The following NDUFA5 variants were observed in gnomAD, a reference collection of about 807,000 sequenced individuals.
The protein encoded by NDUFA5 is NADH dehydrogenase [ubiquinone] 1 alpha subcomplex subunit 5.
A neutral mutation model predicts 19.8 loss-of-function variants in NDUFA5; 11 were observed. The observed-to-expected ratio is 0.56, with a 90% confidence interval of 0.35 to 0.92. The LOEUF is 0.92. Among genes scored for constraint, NDUFA5 ranks in the 40% least tolerant of loss-of-function variants. The probability of loss-of-function intolerance (pLI) is 0.01; values close to 1 mark genes in which losing one functional copy is unlikely to be tolerated. For synonymous variants in NDUFA5, 47 were observed against 46.8 expected, an observed-to-expected ratio of 1.00 and a Z score of -0.01; for missense variants, 109 against 134.2, an observed-to-expected ratio of 0.81 and a Z score of 0.93.
the NDUFA5 span, among the ~76,000 whole-genome samples, chr7:123,596,816 A>G: frequency 6.6e-6 from 1 of 152,256 alleles, no homozygotes; most frequent in African/African-American, 2.4e-5. Flanking sequence ...ACAAATGCAC[A>G]TGAAAAGATC....
chr7:123,564,250 T>A, the NDUFA5 span, among the ~76,000 whole-genome samples: 1 of 152,246 alleles, frequency 6.6e-6, no homozygotes, highest in African/African-American at 2.4e-5. Flanking sequence ...CCTCACCCAG[T>A]ATGTGTAATA....
the NDUFA5 span, among the ~76,000 whole-genome samples, chr7:123,591,967 C>T: frequency 2.6e-5 from 4 of 152,130 alleles, no homozygotes; most frequent in African/African-American, 9.7e-5. Context: ...ATTAATGCCT[C>T]AATTTCAGGA....
upstream of NDUFA5, among the ~76,000 whole-genome samples, chr7:123,559,716 C>G (rs773290472): frequency 6.6e-6 from 1 of 151,746 alleles, no homozygotes; most frequent in African/African-American, 2.4e-5. Flanking sequence ...ATTAGCCAGG[C>G]CTTGTGGTGT....
the NDUFA5 span, among the ~76,000 whole-genome samples, chr7:123,578,049 C>T: frequency 6.6e-6 from 1 of 151,414 alleles, no homozygotes; most frequent in Non-Finnish European, 1.5e-5. Context: ...CCTAGCCCCC[C>T]ACCCCATGAC....
At chr7:123,551,418 A>G (rs1310793889) in intron 2 of NDUFA5, 1 of 252,772 alleles carries the variant, frequency 4.0e-6, no homozygotes, top group Non-Finnish European at 6.2e-6. Context: ...CATGTTGGCC[A>G]GGATGGTCTC....
At chr7:123,566,780 C>A in the NDUFA5 span, among the ~76,000 whole-genome samples, 1 of 152,092 alleles carries the variant, frequency 6.6e-6, no homozygotes, top group African/African-American at 2.4e-5. Flanking sequence ...TATTTGGATA[C>A]CCTAAGTCAC....
At chr7:123,560,312 A>G (rs1451837287), upstream of NDUFA5, among the ~76,000 whole-genome samples, 1 of 152,234 alleles carries the variant, frequency 6.6e-6, no homozygotes, top group Non-Finnish European at 1.5e-5. Context: ...CCAACAATAT[A>G]TTGGAAATAT....
rs1488210106 is a variant in NDUFA5, at chr7:123,541,834, T to G, written c.*285A>C. The G allele has an allele frequency of 5.1e-6, 1 of 197,670 alleles. No homozygotes were observed. Among genetic ancestry groups the G allele is most frequent in the Non-Finnish European group, 1.0e-5 (1 of 98,476 alleles). 12.2% of individuals were successfully genotyped at this position (197,670 alleles called of 1,614,324 possible). ...AAGTTTACTTTTTGATTATGGTCTCTGCATTGAAAATCTGTAGGAATTTTT... is the reference window on the plus strand; with the variant it reads ...AAGTTTACTTTTTGATTATGGTCTCGGCATTGAAAATCTGTAGGAATTTTT... On this transcript the variant is annotated 3_prime_UTR_variant, in exon 5 of 5. Coordinates refer to ENST00000355749, the MANE Select transcript of NDUFA5 (RefSeq NM_005000.5).
chr7:123,587,483 T>A, the NDUFA5 span, among the ~76,000 whole-genome samples: 2 of 151,570 alleles, frequency 1.3e-5, no homozygotes, highest in Non-Finnish European at 3.0e-5. Context: ...TGGTATTATG[T>A]CATCTGCAGA....
chr7:123,565,091 C>A, the NDUFA5 span, among the ~76,000 whole-genome samples: 1 of 152,028 alleles, frequency 6.6e-6, no homozygotes, highest in Non-Finnish European at 1.5e-5. Flanking sequence ...CAGTCCAAGC[C>A]CAAAAGCCTG....
chr7:123,563,775 G>GACCT, the NDUFA5 span, among the ~76,000 whole-genome samples: 1 of 152,126 alleles, frequency 6.6e-6, no homozygotes, highest in African/African-American at 2.4e-5. Flanking sequence ...AGAGCCAGTA[G>GACCT]ACCTACAGGA....
rs1797819278 is a variant in NDUFA5, at chr7:123,538,481, C to T, written c.*3638G>A. The T allele has an allele frequency of 6.6e-6, 1 of 152,234 alleles. No homozygotes were observed. Among genetic ancestry groups the T allele is most frequent in the African/African-American group, 2.4e-5 (1 of 41,462 alleles). 9.4% of individuals were successfully genotyped at this position (152,234 alleles called of 1,614,324 possible). A position where few individuals can be genotyped will look rare whatever the true frequency, so the allele number is the denominator to read the frequency against. On this transcript the variant is annotated 3_prime_UTR_variant, in exon 5 of 5. Transcript: ENST00000355749. ...CCTCTAAACACAACTGGTAGCCTCT[C>T]ATTTACTTTTCTCTAAAACAATTGG...
chr7:123,545,776 C>A, intron 3 of NDUFA5, 100 bp from the exon 4 acceptor site: 1 of 748,034 alleles, frequency 1.3e-6, no homozygotes. Flanking sequence ...CTTAAAAATA[C>A]AACTTTTCTT....
In NDUFA5 at chr7:123,539,241, G is replaced by A. The variant is rs917749786; in HGVS notation, c.*2878C>T. ...TATCTTGTTTGCCCAGGACAGTCAT[G>A]GTGTACATCTGTTATCCTTATGTAA... On this transcript the variant is annotated 3_prime_UTR_variant, in exon 5 of 5. Transcript: ENST00000355749. The A allele has an allele frequency of 3.3e-5, 5 of 152,102 alleles. No individual in the cohort carries two copies. The highest frequency in any genetic ancestry group is 4.8e-5 in the African/African-American group (2 of 41,392). The allele number at this position is 152,102 out of a possible 1,614,324, so 9.4% of individuals were successfully genotyped here.
chr7:123,560,834 AGAGCTGTAATATAT>A (rs1275034092), upstream of NDUFA5, among the ~76,000 whole-genome samples: 44 of 152,332 alleles, frequency 2.9e-4, no homozygotes, highest in African/African-American at 9.6e-4. Context: ...ATTGAGGTTT[AGAGCTGTAATATAT>A]GAAATCTGGG....
At chr7:123,586,108 T>C in the NDUFA5 span, among the ~76,000 whole-genome samples, 2 of 151,874 alleles carry the variant, frequency 1.3e-5, no homozygotes, top group African/African-American at 2.4e-5. Context: ...GTGAGGTTGC[T>C]AGATCATATA....
upstream of NDUFA5, chr7:123,558,374 G>A (rs1244902867): frequency 1.3e-5 from 2 of 154,042 alleles, no homozygotes; most frequent in Non-Finnish European, 2.9e-5. Flanking sequence ...CAGATGAAAT[G>A]ATATCAGACC....
At chr7:123,579,121 A>T in the NDUFA5 span, among the ~76,000 whole-genome samples, 12 of 152,076 alleles carry the variant, frequency 7.9e-5, no homozygotes, top group Admixed American at 2.0e-4. Context: ...GTCCACGTAT[A>T]TCATTGTTTA....
At chr7:123,574,391 C>T in the NDUFA5 span, among the ~76,000 whole-genome samples, 1 of 152,120 alleles carries the variant, frequency 6.6e-6, no homozygotes, top group East Asian at 1.9e-4. Flanking sequence ...ACACAGATTG[C>T]TGGCTCCAGC....
Sources: gnomAD v4.1 joint callset for allele counts (sites outside exome capture counted in the v4.1 genomes callset) on GRCh38, gnomAD v4.1.1 for gene constraint, MANE v1.5 for transcripts, NCBI Gene and HGNC (gene_info 2026-07-23, HGNC 2026-07-21) for gene names.